Variants in MOBP observed in about 807,000 individuals in gnomAD.
The protein encoded by MOBP is myelin-associated oligodendrocyte basic protein.
Under a neutral mutation model 15.0 loss-of-function variants are expected in MOBP, and 5 were observed. The ratio of observed to expected loss-of-function variants is 0.33; its 90% CI spans 0.17 to 0.70. The LOEUF is 0.70. MOBP is among the 30% of genes least tolerant of loss of function. MOBP has a pLI of 0.67. For synonymous variants in MOBP, 88 were observed against 99.0 expected (o/e 0.89, Z 0.66); for missense variants, 188 against 257.8 (o/e 0.73, Z 1.85).
chr3:39,472,313 G>T (rs1391968733), intron 1 of MOBP, among the ~76,000 whole-genome samples: 1 of 152,182 alleles, frequency 6.6e-6, no homozygotes, highest in Non-Finnish European at 1.5e-5. Context: ...TTAACCTATT[G>T]TATGATCTTT....
intron 1 of MOBP, among the ~76,000 whole-genome samples, chr3:39,468,035 T>C (rs1328547617): frequency 6.6e-6 from 1 of 152,074 alleles, no homozygotes; most frequent in Non-Finnish European, 1.5e-5. Flanking sequence ...AAGCCCCATG[T>C]TCCTGGAGCT....
At chr3:39,496,478 C>T (rs1295794829) in intron 2 of MOBP, among the ~76,000 whole-genome samples, 2 of 150,874 alleles carry the variant, frequency 1.3e-5, no homozygotes, top group Admixed American at 6.6e-5. Context: ...GGATTACAGG[C>T]GTGAGCCACC....
downstream of MOBP, among the ~76,000 whole-genome samples, chr3:39,506,672 G>A (rs971169255): frequency 6.6e-6 from 1 of 152,144 alleles, no homozygotes; most frequent in African/African-American, 2.4e-5. Flanking sequence ...TCTTTGACAC[G>A]TCTAGCTTGT....
chr3:39,496,573 A>C (rs1195572779), intron 2 of MOBP, among the ~76,000 whole-genome samples: 1 of 151,546 alleles, frequency 6.6e-6, no homozygotes, highest in African/African-American at 2.4e-5. Context: ...GGCTCACTGC[A>C]AACTCTGCCT....
chr3:39,487,800 G>A (rs1339929916), intron 2 of MOBP, among the ~76,000 whole-genome samples: 1 of 152,038 alleles, frequency 6.6e-6, no homozygotes, highest in Admixed American at 6.6e-5. Context: ...GGGATTACAG[G>A]TGTGAGCCAC....
intron 2 of MOBP, among the ~76,000 whole-genome samples, chr3:39,501,277 C>T (rs2042966249): frequency 6.6e-6 from 1 of 152,232 alleles, no homozygotes; most frequent in South Asian, 2.1e-4. Flanking sequence ...GAGACATTCT[C>T]AGTATCCAGT....
exon 5 of MOBP, chr3:39,514,379 C>T (rs1160517909): frequency 6.6e-6 from 1 of 152,316 alleles, no homozygotes; most frequent in Admixed American, 6.5e-5. Context: ...CTGCTTCCCC[C>T]CGACCCTACC....
intron 4 of MOBP, among the ~76,000 whole-genome samples, chr3:39,509,529 T>C (rs2043092986): frequency 6.6e-6 from 1 of 152,214 alleles, no homozygotes; most frequent in Admixed American, 6.5e-5. Flanking sequence ...GTGAAATCTC[T>C]GCTTAAATCT....
chr3:39,487,781 C>T (rs9819288), intron 2 of MOBP, among the ~76,000 whole-genome samples: 174 of 152,126 alleles, frequency 1.1e-3, no homozygotes, highest in African/African-American at 4.1e-3. Flanking sequence ...ATCGGCCTCC[C>T]AAAGTGCTGG....
chr3:39,523,239 A>G (rs2043292069), intron 3 of MOBP, among the ~76,000 whole-genome samples: 2 of 152,234 alleles, frequency 1.3e-5, no homozygotes, highest in Non-Finnish European at 1.5e-5. Context: ...CAATATTTCT[A>G]TGGGTATTTC....
downstream of MOBP, among the ~76,000 whole-genome samples, chr3:39,505,398 G>A (rs1367504156): frequency 6.6e-6 from 1 of 152,202 alleles, no homozygotes; most frequent in Non-Finnish European, 1.5e-5. Flanking sequence ...TAACAGCAGA[G>A]CTAGAGAAAA....
chr3:39,527,402 A>AGATTCACC (rs1470966477), downstream of MOBP: 4 of 151,982 alleles, frequency 2.6e-5, no homozygotes, highest in Admixed American at 6.6e-5. Flanking sequence ...GTATTTGTCT[A>AGATTCACC]GATTCACCTT....
At chr3:39,477,692 G>A (rs2042563273) in intron 1 of MOBP, among the ~76,000 whole-genome samples, 1 of 151,826 alleles carries the variant, frequency 6.6e-6, no homozygotes, top group South Asian at 2.1e-4. Flanking sequence ...GTTGTCATAG[G>A]AGATGACAGC....
intron 4 of MOBP, among the ~76,000 whole-genome samples, chr3:39,508,082 C>T (rs1056602101): frequency 2.6e-5 from 4 of 152,152 alleles, no homozygotes; most frequent in Non-Finnish European, 5.9e-5. Context: ...CACAGCAGGA[C>T]GATAGTAGCT....
chr3:39,515,322 G>C (rs1330468977), exon 5 of MOBP: 1 of 152,164 alleles, frequency 6.6e-6, no homozygotes, highest in African/African-American at 2.4e-5. Flanking sequence ...GATTACTCTA[G>C]GAGTCTTCCT....
Position 39,502,919 on chromosome 3 carries a change from G to A in MOBP, c.*39G>A. ...CTTTTGTTCCCCAGCCCTAAGGTTAGTAGTTGCTTCCTGTGTTTACTAACA... is the reference window on the plus strand; with the variant it reads ...CTTTTGTTCCCCAGCCCTAAGGTTAATAGTTGCTTCCTGTGTTTACTAACA... On this transcript the variant is annotated 3_prime_UTR_variant, in exon 4 of 4. Coordinates refer to ENST00000684792, the MANE Select transcript of MOBP (RefSeq NM_001393704.1). This position sits in a 1 kb window ranked among gnomAD's most constrained non-coding sequence, Gnocchi z 6.3. The A allele has an allele frequency of 1.1e-6, 1 of 935,418 alleles. No individual in the cohort carries two copies. The highest frequency in any genetic ancestry group is 1.6e-6 in the Non-Finnish European group (1 of 639,088). The allele number at this position is 935,418 out of a possible 1,614,324, so 57.9% of individuals were successfully genotyped here.
At chr3:39,482,143 T>C (rs1410093950) in intron 2 of MOBP, among the ~76,000 whole-genome samples, 2 of 152,142 alleles carry the variant, frequency 1.3e-5, no homozygotes, top group African/African-American at 4.8e-5. Flanking sequence ...CTCTAGTAGA[T>C]ACTTCCAACA....
At chr3:39,508,551 A>ATT (rs10681564) in intron 4 of MOBP, among the ~76,000 whole-genome samples, 41,279 of 135,088 alleles carry the variant, frequency 0.31, 8,379 homozygotes, top group African/African-American at 0.58. Context: ...ATATTGTTGC[A>ATT]TTTTTTTTTT....
intron 4 of MOBP, among the ~76,000 whole-genome samples, chr3:39,508,935 A>C (rs1224098062): frequency 6.6e-6 from 1 of 152,136 alleles, no homozygotes; most frequent in African/African-American, 2.4e-5. Context: ...CCAGCCTTGG[A>C]TGAACACAAC....
Sources: gnomAD v4.1 joint callset for allele counts (sites outside exome capture counted in the v4.1 genomes callset) on GRCh38, gnomAD v4.1.1 for gene constraint, Gnocchi (gnomAD v3.1) non-coding constraint, MANE v1.5 for transcripts, NCBI Gene and HGNC (gene_info 2026-07-23, HGNC 2026-07-21) for gene names.